Variants in TBCD observed in about 807,000 individuals in gnomAD.
TBCD encodes the protein tubulin-specific chaperone D.
In TBCD, 105 loss-of-function variants were observed where a neutral mutation model predicts 169.3. The observed-to-expected ratio is 0.62, with a 90% CI of 0.53 to 0.73. The LOEUF (loss-of-function observed/expected upper bound fraction) is 0.73, where lower values mean the gene tolerates loss of function less well. TBCD is among the 30% of genes least tolerant of loss of function. TBCD has a pLI of 0.00. For synonymous variants in TBCD, 700 were observed against 643.9 expected (o/e 1.09, Z -1.32); for missense variants, 1,444 against 1,600.1 (o/e 0.90, Z 1.66).
intron 13 of TBCD, among the ~76,000 whole-genome samples, chr17:82,837,846 T>G (rs190419263): frequency 6.6e-6 from 1 of 152,362 alleles, no homozygotes. Context: ...GCACAAAGCC[T>G]TCTTTCTCCA....
Position 82,795,208 on chromosome 17 carries a change from A to G in TBCD, c.772-2549A>G, listed in dbSNP as rs184500311. On this transcript the variant is annotated intron_variant, in intron 7 of 38. Transcript: ENST00000355528. ...ACAGTGTCTTGGATTCTTTTTATTT[A>G]GTGAGAGAAACCAGACGACGTGTTA... is the stretch of plus-strand genomic sequence containing the variant. Among the ~76,000 whole-genome samples, 12 of 152,352 alleles carry G rather than the reference A, an allele frequency of 7.9e-5. No homozygotes were observed. In the East Asian group the frequency reaches 1.7e-3, roughly 22 times the overall value.
chr17:82,909,391 G>A lies in TBCD; in HGVS notation c.2006+84G>A, dbSNP rs927026561. The A allele has an allele frequency of 2.9e-5, 34 of 1,182,196 alleles. 1 individual carries two copies. The highest frequency in any genetic ancestry group is 6.1e-5 in the African/African-American group (4 of 65,648). The allele number at this position is 1,182,196 out of a possible 1,614,324, so 73.2% of individuals were successfully genotyped here. Reference sequence around the variant, plus strand: ...AGGAGCAGGCGGGGCGGGTGTGTTCGCTTCCCTCTCTGCCTATGTGTGTTT... The same window carrying A: ...AGGAGCAGGCGGGGCGGGTGTGTTCACTTCCCTCTCTGCCTATGTGTGTTT... On this transcript the variant is annotated intron_variant, in intron 22 of 38. Transcript: ENST00000355528.
At chr17:82,869,551 G>T (rs1171562871) in intron 13 of TBCD, among the ~76,000 whole-genome samples, 1 of 152,198 alleles carries the variant, frequency 6.6e-6, no homozygotes, top group African/African-American at 2.4e-5. Flanking sequence ...AATCACACTT[G>T]TGTGATGTCA....
rs145492680 is a variant in TBCD, at chr17:82,782,962, A to G, written c.771+1241A>G. Among the ~76,000 whole-genome samples, 144 of 143,202 alleles carry G rather than the reference A, an allele frequency of 1.0e-3. No homozygotes were observed. The highest frequency in any genetic ancestry group is 3.5e-3 in the African/African-American group (135 of 38,068). 93.9% of individuals were successfully genotyped at this position (143,202 alleles called of 152,430 possible). ...TCCTGTCCGCGGTGCCCTCCTGTCC[A>G]TGGTGGCCTCCTGTCCGCTGTGCCC... On this transcript the variant is annotated intron_variant, in intron 7 of 38. Coordinates refer to ENST00000355528, the MANE Select transcript of TBCD (RefSeq NM_005993.5). The surrounding 1 kb of genome is among the most constrained non-coding windows in gnomAD (Gnocchi z 5.1).
chr17:82,831,168 G>T lies in TBCD; in HGVS notation c.1318+16234G>T, dbSNP rs199514083. 10 of 1,614,120 alleles carry T rather than the reference G, an allele frequency of 6.2e-6. No homozygotes were observed. The African/African-American group carries it at 1.3e-4, about 22-fold the overall frequency. On this transcript the variant is annotated intron_variant, in intron 13 of 38. Coordinates refer to ENST00000355528, the MANE Select transcript of TBCD (RefSeq NM_005993.5). This position sits in a 1 kb window ranked among gnomAD's most constrained non-coding sequence, Gnocchi z 4.6. The stretch of plus-strand genomic sequence containing the variant: ...CTGCCTTGTTGGAGAGGTCGTACAG[G>T]CCTTCGCAGGTCTGGCTCGTCTGCA...
intron 13 of TBCD, among the ~76,000 whole-genome samples, chr17:82,842,383 C>T (rs1449032652): frequency 4.6e-5 from 7 of 152,182 alleles, no homozygotes; most frequent in African/African-American, 1.7e-4. Flanking sequence ...TCTGTGCCCT[C>T]TCTCCCCCTC....
intron 13 of TBCD, among the ~76,000 whole-genome samples, chr17:82,856,399 G>A (rs1004490240): frequency 1.3e-5 from 2 of 151,514 alleles, no homozygotes; most frequent in African/African-American, 2.4e-5. Flanking sequence ...TTGAGGCGAG[G>A]AGTTCAAGAC....
At chr17:82,778,368 G>T (rs924015215) in intron 6 of TBCD, among the ~76,000 whole-genome samples, 1 of 152,168 alleles carries the variant, frequency 6.6e-6, no homozygotes, top group South Asian at 2.1e-4. Context: ...CCTTAATGCT[G>T]CTTCCTTCTG....
chr17:82,848,476 C>T (rs919433972), intron 13 of TBCD, among the ~76,000 whole-genome samples: 6 of 152,190 alleles, frequency 3.9e-5, no homozygotes, highest in Non-Finnish European at 5.9e-5. Context: ...CCCTGAACCC[C>T]GACAGCGAGG....
chr17:82,905,831 A>G, intron 19 of TBCD, 105 bp from the exon 20 acceptor site: 1 of 809,744 alleles, frequency 1.2e-6, no homozygotes, highest in South Asian at 1.7e-5. Flanking sequence ...CCGTGTGTGC[A>G]CGCCGTCGCC....
chr17:82,767,800 C>A (rs1858641119), intron 4 of TBCD, among the ~76,000 whole-genome samples: 2 of 151,668 alleles, frequency 1.3e-5, no homozygotes, highest in South Asian at 4.2e-4. Flanking sequence ...ACAAAAAATA[C>A]AAAAATTAGC....
chr17:82,758,960 C>G (rs940395911), intron 2 of TBCD, among the ~76,000 whole-genome samples: 2 of 151,926 alleles, frequency 1.3e-5, no homozygotes, highest in African/African-American at 2.4e-5. Context: ...TTGTGCCCGG[C>G]CTGCTTTTGC....
At chr17:82,819,133 T>C (rs186279696) in intron 13 of TBCD, among the ~76,000 whole-genome samples, 1 of 152,328 alleles carries the variant, frequency 6.6e-6, no homozygotes, top group East Asian at 1.9e-4. Flanking sequence ...TAGATGAGCA[T>C]GTTTGATGAC....
intron 9 of TBCD, among the ~76,000 whole-genome samples, chr17:82,804,749 C>A (rs1249326561): frequency 1.3e-5 from 2 of 152,218 alleles, no homozygotes; most frequent in Non-Finnish European, 2.9e-5. Flanking sequence ...TCTGCGTATT[C>A]TGTTCCTTGG....
chr17:82,838,568 A>C, intron 13 of TBCD: 1 of 818,366 alleles, frequency 1.2e-6, no homozygotes, highest in Non-Finnish European at 1.5e-6. Flanking sequence ...TTGTTGCATA[A>C]CTCAAGGACA....
At chr17:82,826,003 A>G (rs1327908816) in intron 13 of TBCD, among the ~76,000 whole-genome samples, 1 of 152,210 alleles carries the variant, frequency 6.6e-6, no homozygotes, top group Non-Finnish European at 1.5e-5. Context: ...TCTCACAGAA[A>G]TTTTATTCTT....
intron 13 of TBCD, among the ~76,000 whole-genome samples, chr17:82,855,236 T>C (rs1166901732): frequency 9.6e-4 from 4 of 4,168 alleles, no homozygotes; most frequent in Admixed American, 2.7e-3. Flanking sequence ...AGGTGTTTGC[T>C]TTTTTTTTTT....
chr17:82,786,821 CT>C (rs71168154), intron 7 of TBCD, among the ~76,000 whole-genome samples: 78,868 of 109,820 alleles, frequency 0.72, 28,670 homozygotes, highest in South Asian at 0.91. Context: ...CGGTTCTTTA[CT>C]TTTTTTTTTT....
Position 82,927,341 on chromosome 17 carries a change from G to C in TBCD, c.2609+18G>C, listed in dbSNP as rs527725313. The C allele has an allele frequency of 1.8e-5, 29 of 1,610,224 alleles. No individual in the cohort carries two copies. The Admixed American group carries it at 4.5e-4, about 25-fold the overall frequency. ...GGCACCTGGTACGTACGTAGCAGTG[G>C]GTGAGCGCTTCTTCTGAGAAGCCCA... On this transcript the variant is annotated intron_variant, in intron 29 of 38. Transcript: ENST00000355528.
Sources: gnomAD v4.1 joint callset for allele counts (sites outside exome capture counted in the v4.1 genomes callset) on GRCh38, gnomAD v4.1.1 for gene constraint, Gnocchi (gnomAD v3.1) non-coding constraint, MANE v1.5 for transcripts, NCBI Gene and HGNC (gene_info 2026-07-23, HGNC 2026-07-21) for gene names.